CSNK2A2IP: variants seen among roughly 807,000 people sequenced by gnomAD.
The protein encoded by CSNK2A2IP is casein kinase 2 subunit alpha' interacting protein.
At chr3:88,445,861 C>T in the CSNK2A2IP span, among the ~76,000 whole-genome samples, 3 of 152,062 alleles carry the variant, frequency 2.0e-5, no homozygotes, top group African/African-American at 4.8e-5. Flanking sequence ...TGTTTACAAT[C>T]TTGTTCATTT....
chr3:88,416,037 G>A, the CSNK2A2IP span, among the ~76,000 whole-genome samples: 12 of 151,974 alleles, frequency 7.9e-5, no homozygotes, highest in East Asian at 7.7e-4. Context: ...TTGGGAGGCC[G>A]AGGCAGGAGG....
chr3:88,417,664 G>C, the CSNK2A2IP span, among the ~76,000 whole-genome samples: 1 of 152,168 alleles, frequency 6.6e-6, no homozygotes, highest in Non-Finnish European at 1.5e-5. Context: ...AGTAAGACCT[G>C]ATTGCTCATT....
At chr3:88,340,429 T>C in the CSNK2A2IP span, among the ~76,000 whole-genome samples, 6 of 152,030 alleles carry the variant, frequency 3.9e-5, no homozygotes, top group Non-Finnish European at 5.9e-5. Flanking sequence ...GTAATGTATA[T>C]TTTATGCTAA....
the CSNK2A2IP span, among the ~76,000 whole-genome samples, chr3:88,418,463 T>TGTGTGTGC: frequency 1.3e-5 from 2 of 149,532 alleles, no homozygotes; most frequent in Non-Finnish European, 3.0e-5. Flanking sequence ...TGTGTGTGTG[T>TGTGTGTGC]GCGCGCGGGC....
chr3:88,465,685 T>C, the CSNK2A2IP span: 1 of 1,231,696 alleles, frequency 8.1e-7, no homozygotes, highest in Non-Finnish European at 1.0e-6. Context: ...CTGGAGAAGT[T>C]CATTGTGGCC....
the CSNK2A2IP span, among the ~76,000 whole-genome samples, chr3:88,377,301 T>C: frequency 6.6e-6 from 1 of 151,866 alleles, no homozygotes; most frequent in Non-Finnish European, 1.5e-5. Context: ...CCCCTTTACC[T>C]AGATTTGTGA....
At chr3:88,456,747 G>A in the CSNK2A2IP span, among the ~76,000 whole-genome samples, 1 of 142,068 alleles carries the variant, frequency 7.0e-6, no homozygotes, top group African/African-American at 2.7e-5. Context: ...ATACACTTTT[G>A]TCAAAAAATC....
the CSNK2A2IP span, among the ~76,000 whole-genome samples, chr3:88,425,733 T>G: frequency 6.6e-6 from 1 of 152,202 alleles, no homozygotes; most frequent in African/African-American, 2.4e-5. Context: ...CTTTTAGTTA[T>G]ACAAAAATAT....
At chr3:88,452,181 T>TC in the CSNK2A2IP span, among the ~76,000 whole-genome samples, 16 of 151,572 alleles carry the variant, frequency 1.1e-4, no homozygotes. Flanking sequence ...GGTTTAGATT[T>TC]TTTTTTTTTT....
At chr3:88,355,306 T>G in the CSNK2A2IP span, among the ~76,000 whole-genome samples, 1 of 152,130 alleles carries the variant, frequency 6.6e-6, no homozygotes, top group Admixed American at 6.5e-5. Context: ...GAAGAAAGTT[T>G]TTTTGTTTTG....
the CSNK2A2IP span, among the ~76,000 whole-genome samples, chr3:88,455,824 T>C: frequency 6.6e-6 from 1 of 152,014 alleles, no homozygotes; most frequent in South Asian, 2.1e-4. Context: ...AGGAGTTTTA[T>C]GGTTTCAGGT....
the CSNK2A2IP span, among the ~76,000 whole-genome samples, chr3:88,401,300 G>T: frequency 6.6e-6 from 1 of 151,920 alleles, no homozygotes; most frequent in Non-Finnish European, 1.5e-5. Context: ...TTCAAAATAA[G>T]ATTAACTCTG....
the CSNK2A2IP span, among the ~76,000 whole-genome samples, chr3:88,352,322 C>T: frequency 1.6e-4 from 25 of 151,914 alleles, no homozygotes; most frequent in African/African-American, 5.1e-4. Context: ...AAATGCTATT[C>T]AAGACAAAGG....
chr3:88,370,156 G>A, the CSNK2A2IP span, among the ~76,000 whole-genome samples: 1 of 151,836 alleles, frequency 6.6e-6, no homozygotes, highest in Admixed American at 6.6e-5. Flanking sequence ...AGCTGTGCCA[G>A]CCTAAATAAC....
the CSNK2A2IP span, among the ~76,000 whole-genome samples, chr3:88,380,795 T>TA: frequency 6.6e-6 from 1 of 151,220 alleles, no homozygotes; most frequent in South Asian, 2.1e-4. Flanking sequence ...AAAAAGAGAG[T>TA]AAAGGGTGTA....
At chr3:88,402,689 A>G in the CSNK2A2IP span, among the ~76,000 whole-genome samples, 1 of 150,176 alleles carries the variant, frequency 6.7e-6, no homozygotes, top group African/African-American at 2.4e-5. Context: ...ACACACATAT[A>G]TATTTGCACG....
At chr3:88,444,985 T>C in the CSNK2A2IP span, among the ~76,000 whole-genome samples, 1 of 152,162 alleles carries the variant, frequency 6.6e-6, no homozygotes, top group African/African-American at 2.4e-5. Flanking sequence ...AGTTACTTTG[T>C]GTAAATGTTT....
At chr3:88,432,513 G>A in the CSNK2A2IP span, among the ~76,000 whole-genome samples, 1 of 151,538 alleles carries the variant, frequency 6.6e-6, no homozygotes, top group Non-Finnish European at 1.5e-5. Flanking sequence ...AACACAAAAA[G>A]GAGAGGCAAC....
At chr3:88,414,270 G>GTTT in the CSNK2A2IP span, among the ~76,000 whole-genome samples, 498 of 64,100 alleles carry the variant, frequency 7.8e-3, 88 homozygotes, top group African/African-American at 0.028. Flanking sequence ...TACCAACAAA[G>GTTT]TTTTTTTTTT....
Sources: gnomAD v4.1 joint callset for allele counts (sites outside exome capture counted in the v4.1 genomes callset) on GRCh38, gnomAD v4.1.1 for gene constraint, MANE v1.5 for transcripts, NCBI Gene and HGNC (gene_info 2026-07-23, HGNC 2026-07-21) for gene names.